DNAAF4: variants seen among roughly 807,000 people sequenced by gnomAD.
DNAAF4 encodes the protein dynein assembly factor 4, axonemal.
DNAAF4 carries 43 observed loss-of-function variants against 51.8 expected under a neutral mutation model. The ratio of observed to expected loss-of-function variants is 0.83; its 90% CI spans 0.65 to 1.07. The LOEUF is 1.07. DNAAF4 is among the 50% of genes least tolerant of loss of function. The pLI, the probability that DNAAF4 is intolerant of heterozygous loss-of-function variation, is 0.00. For synonymous variants in DNAAF4, 194 were observed against 165.6 expected (o/e 1.17, Z -1.32); for missense variants, 581 against 493.0 (o/e 1.18, Z -1.69).
chr15:55,440,735 A>G (rs564454287), intron 6 of DNAAF4, among the ~76,000 whole-genome samples: 10 of 150,214 alleles, frequency 6.7e-5, no homozygotes, highest in Non-Finnish European at 1.5e-4. Flanking sequence ...AGGCTGGAGT[A>G]CAGTAGCACA....
intron 6 of DNAAF4, among the ~76,000 whole-genome samples, chr15:55,440,855 G>T (rs1457498034): frequency 6.7e-6 from 1 of 149,420 alleles, no homozygotes; most frequent in African/African-American, 2.5e-5. Context: ...CTAATTTTTT[G>T]TATTTTTAGT....
At chr15:55,463,914 A>G (rs2058131575) in intron 5 of DNAAF4, among the ~76,000 whole-genome samples, 1 of 152,172 alleles carries the variant, frequency 6.6e-6, no homozygotes, top group Admixed American at 6.6e-5. Flanking sequence ...TGCAATTCCC[A>G]TCAAAATATC....
chr15:55,433,155 C>A lies in DNAAF4; in HGVS notation c.1048-553G>T, dbSNP rs567167227. Among the ~76,000 whole-genome samples, 7 of 152,146 alleles carry A rather than the reference C, an allele frequency of 4.6e-5. No homozygotes were observed. In the South Asian group the frequency reaches 6.2e-4, roughly 14 times the overall value. ...TCTCTACTAAAAATACTTAAACTAG[C>A]CAGATGTGGTAGCGGGCACCTGTAA... On this transcript the variant is annotated intron_variant, in intron 8 of 9. Transcript: ENST00000321149.
At chr15:55,418,844 C>A in intron 7 of DNAAF4, 1 of 230,952 alleles carries the variant, frequency 4.3e-6, no homozygotes, top group Non-Finnish European at 8.3e-6. Context: ...ATTGAGTATA[C>A]TTATCAAGAC....
In DNAAF4 at chr15:55,434,962, C is replaced by T. The variant is rs762840376; in HGVS notation, c.990G>A (p.Arg330=). ...TTTTTAGTTTTAGGTGGCAAGCAGC[C>T]CGGTTCAAATACAATAGTGGCATCT... ...NNKMPLLYLN[R]AACHLKLKNL... is the part of the protein sequence containing the mutation. The change falls in exon 8 of 10, where the codon CGG becomes CGA. Residue 330 remains arginine (R), a synonymous_variant. Transcript: ENST00000321149. The T allele has an allele frequency of 1.2e-5, 20 of 1,612,802 alleles. No individual in the cohort carries two copies. In the East Asian group the frequency reaches 4.5e-4, roughly 36 times the overall value.
At chr15:55,422,924 G>A (rs898860784) in intron 7 of DNAAF4, among the ~76,000 whole-genome samples, 1 of 152,008 alleles carries the variant, frequency 6.6e-6, no homozygotes. Flanking sequence ...TTGAACCCAG[G>A]AGGCAGAGTT....
chr15:55,428,774 C>T (rs1197270073), downstream of DNAAF4, among the ~76,000 whole-genome samples: 1 of 151,474 alleles, frequency 6.6e-6, no homozygotes, highest in Admixed American at 6.6e-5. Flanking sequence ...GGATTACAGG[C>T]TTGAGCCACT....
At chr15:55,469,142 C>A (rs1249752477) in intron 4 of DNAAF4, among the ~76,000 whole-genome samples, 2 of 151,894 alleles carry the variant, frequency 1.3e-5, no homozygotes, top group African/African-American at 4.8e-5. Flanking sequence ...ACCAGCCTGG[C>A]CAACATGGTG....
At chr15:55,506,442 A>G (rs1187633049) in intron 1 of DNAAF4, among the ~76,000 whole-genome samples, 3 of 152,224 alleles carry the variant, frequency 2.0e-5, no homozygotes, top group Non-Finnish European at 4.4e-5. Flanking sequence ...CATTTTGTAT[A>G]ATTTAGGCTG....
chr15:55,499,523 G>A (rs1473709612), intron 1 of DNAAF4, among the ~76,000 whole-genome samples: 1 of 152,172 alleles, frequency 6.6e-6, no homozygotes, highest in Non-Finnish European at 1.5e-5. Flanking sequence ...TGAAATAGTT[G>A]CTTTGCTCCA....
At chr15:55,463,172 T>TCACACACA (rs3221985) in intron 5 of DNAAF4, among the ~76,000 whole-genome samples, 2,003 of 140,300 alleles carry the variant, frequency 0.014, 24 homozygotes, top group African/African-American at 0.019. Context: ...AGACTCTGTC[T>TCACACACA]CACACACACA....
chr15:55,467,692 T>C (rs975240705), intron 4 of DNAAF4, among the ~76,000 whole-genome samples: 2 of 151,982 alleles, frequency 1.3e-5, no homozygotes, highest in African/African-American at 2.4e-5. Context: ...GAAAAGGAAA[T>C]AGGAAGGATG....
chr15:55,492,295 A>C (rs2058585628), intron 3 of DNAAF4, among the ~76,000 whole-genome samples: 1 of 151,176 alleles, frequency 6.6e-6, no homozygotes, highest in African/African-American at 2.4e-5. Flanking sequence ...AAAAAAACAG[A>C]AGGGGAGAGG....
intron 6 of DNAAF4, among the ~76,000 whole-genome samples, chr15:55,449,445 C>T (rs1433033570): frequency 6.7e-6 from 1 of 150,030 alleles, no homozygotes; most frequent in Admixed American, 6.7e-5. Context: ...GGTGGATCGC[C>T]TGAGGTCAGG....
At chr15:55,439,048 A>G (rs2057664707) in intron 7 of DNAAF4, among the ~76,000 whole-genome samples, 1 of 152,148 alleles carries the variant, frequency 6.6e-6, no homozygotes, top group Admixed American at 6.6e-5. Context: ...GCTTATTTGC[A>G]TTATCTTTCT....
Position 55,483,833 on chromosome 15 carries a change from C to CT in DNAAF4, c.405+7289dup, listed in dbSNP as rs71105887. Among the ~76,000 whole-genome samples the CT allele has an allele frequency of 6.6e-3, 543 of 82,436 alleles. 97 individuals carry two copies. The highest frequency in any genetic ancestry group is 0.015 in the East Asian group (16 of 1,072). 54.1% of individuals were successfully genotyped at this position (82,436 alleles called of 152,430 possible). A position where few individuals can be genotyped will look rare whatever the true frequency, so the allele number is the denominator to read the frequency against. ...GAGCCATCACACCCAGCCAATAAAG[C>CT]TTTTTTTTTTTTTTTTTTTTTTTTT... On this transcript the variant is annotated intron_variant, in intron 4 of 9. Transcript: ENST00000321149.
chr15:55,473,359 A>ATG (rs375640196), intron 4 of DNAAF4, among the ~76,000 whole-genome samples: 9 of 133,560 alleles, frequency 6.7e-5, no homozygotes, highest in Non-Finnish European at 9.3e-5. Context: ...GTGTATATAT[A>ATG]TGTGTGTGTG....
rs550245589 is a variant in DNAAF4, at chr15:55,456,264, T to C, written c.638-5897A>G. Among the ~76,000 whole-genome samples the C allele has an allele frequency of 2.0e-5, 3 of 152,086 alleles. No individual in the cohort carries two copies. The South Asian group carries it at 6.2e-4, about 32-fold the overall frequency. ...CGTCCGGCTAGTTTTGTATTTTTAG[T>C]AGAGACAGGGTTTCTCCATGTTGGT... On this transcript the variant is annotated intron_variant, in intron 5 of 9. Coordinates refer to ENST00000321149, the MANE Select transcript of DNAAF4 (RefSeq NM_130810.4).
intron 2 of DNAAF4, among the ~76,000 whole-genome samples, 156 bp downstream of exon 2, chr15:55,498,051 T>G (rs953444801): frequency 6.6e-6 from 1 of 152,256 alleles, no homozygotes; most frequent in East Asian, 1.9e-4. Context: ...TGTCTACAGA[T>G]GGTGTGTTAC....
Sources: gnomAD v4.1 joint callset for allele counts (sites outside exome capture counted in the v4.1 genomes callset) on GRCh38, gnomAD v4.1.1 for gene constraint, MANE v1.5 for transcripts, NCBI Gene and HGNC (gene_info 2026-07-23, HGNC 2026-07-21) for gene names.